The following TRPM7 variants were observed in gnomAD, a reference collection of about 807,000 sequenced individuals.
The protein encoded by TRPM7 is transient receptor potential cation channel subfamily M member 7.
Under a neutral mutation model 229.7 loss-of-function variants are expected in TRPM7, and 134 were observed. That is an observed-to-expected ratio of 0.58 (90% CI 0.51 to 0.67). TRPM7 has a LOEUF of 0.67. Among genes scored for constraint, TRPM7 ranks in the 30% least tolerant of loss-of-function variants. The pLI, the probability that TRPM7 is intolerant of heterozygous loss-of-function variation, is 0.00. For synonymous variants in TRPM7, 699 were observed against 715.2 expected, an observed-to-expected ratio of 0.98 and a Z score of 0.36; for missense variants, 1,901 against 2,210.0, an observed-to-expected ratio of 0.86 and a Z score of 2.80.
chr15:50,586,767 C>T (rs2059353193), intron 27 of TRPM7, among the ~76,000 whole-genome samples: 1 of 152,090 alleles, frequency 6.6e-6, no homozygotes, highest in Admixed American at 6.6e-5. Context: ...ACCTGTAATC[C>T]CAGCACTTTG....
At chr15:50,657,631 G>C (rs2061610479) in intron 3 of TRPM7, 150 bp downstream of exon 3, 7 of 646,012 alleles carry the variant, frequency 1.1e-5, no homozygotes, top group Middle Eastern at 4.2e-4. Flanking sequence ...AAACAGCCTT[G>C]ACTGACCCTT....
At chr15:50,666,751 G>A (rs547823853) in intron 1 of TRPM7, among the ~76,000 whole-genome samples, 5 of 151,802 alleles carry the variant, frequency 3.3e-5, no homozygotes, top group Admixed American at 6.6e-5. Context: ...ATGGTGAGCC[G>A]AGATCGTGCC....
At chr15:50,568,113 A>C (rs2053694891) in intron 38 of TRPM7, among the ~76,000 whole-genome samples, 1 of 50,616 alleles carries the variant, frequency 2.0e-5, no homozygotes, top group Non-Finnish European at 4.6e-5. Context: ...CTCTGTCTCA[A>C]AAAAAAAAAA....
At chr15:50,667,295 T>C (rs1469811876) in intron 1 of TRPM7, among the ~76,000 whole-genome samples, 1 of 152,192 alleles carries the variant, frequency 6.6e-6, no homozygotes, top group Non-Finnish European at 1.5e-5. Flanking sequence ...TTGAAGCCAG[T>C]AATCCAATTA....
chr15:50,581,543 T>C (rs1016792527), intron 29 of TRPM7, among the ~76,000 whole-genome samples: 2 of 151,576 alleles, frequency 1.3e-5, no homozygotes, highest in African/African-American at 2.4e-5. Flanking sequence ...TACATATACA[T>C]ATAAACATCA....
intron 12 of TRPM7, among the ~76,000 whole-genome samples, chr15:50,620,339 CGTTAGT>C (rs758746352): frequency 3.4e-5 from 5 of 148,586 alleles, no homozygotes; most frequent in South Asian, 2.1e-4. Context: ...CATCAGCTAT[CGTTAGT>C]GTTAGTGTAT....
At chr15:50,671,645 C>CAA (rs34028076) in intron 1 of TRPM7, among the ~76,000 whole-genome samples, 89,255 of 151,420 alleles carry the variant, frequency 0.59, 26,592 homozygotes, top group African/African-American at 0.66. Flanking sequence ...CCTGTCGCTA[C>CAA]AAAAGTTTTT....
intron 3 of TRPM7, among the ~76,000 whole-genome samples, chr15:50,656,349 G>A (rs1197974234): frequency 1.3e-5 from 2 of 152,012 alleles, no homozygotes; most frequent in Non-Finnish European, 2.9e-5. Flanking sequence ...GCCCAGGCAG[G>A]AGTGCAGTGG....
intron 38 of TRPM7, 139 bp from the exon 39 acceptor site, chr15:50,561,947 T>C (rs1183918820): frequency 2.4e-6 from 2 of 820,848 alleles, no homozygotes; most frequent in East Asian, 6.4e-5. Flanking sequence ...CAAGCTGGAG[T>C]GCAATGGCGC....
At position 50,591,844 on chromosome 15, in the gene TRPM7, A is replaced by C. The variant is rs1189723989; in HGVS notation, c.4324+67T>G. On this transcript the variant is annotated intron_variant, in intron 26 of 38. Transcript: ENST00000646667. ...AAGATAATGACTTGTAACAGTACAT[A>C]TTTCTATTATTTCTAAGGTGAAAAG... is the stretch of plus-strand genomic sequence containing the variant. The C allele has an allele frequency of 2.6e-6, 3 of 1,146,532 alleles. No individual in the cohort carries two copies. In the Admixed American group the frequency reaches 7.3e-5, roughly 28 times the overall value. 71.0% of individuals were successfully genotyped at this position (1,146,532 alleles called of 1,614,324 possible).
chr15:50,639,404 A>G lies in TRPM7; in HGVS notation c.660+20T>C. On this transcript the variant is annotated intron_variant, in intron 6 of 38. Transcript: ENST00000646667. ...TTACATATAATTTCAAACATAAGAA[A>G]TTTTAAAAATAATTCTTACATCTCT... is the stretch of plus-strand genomic sequence containing the variant. 6.4e-7 allele frequency: 1 copy of G among 1,552,322 alleles called. No homozygotes were observed. The highest frequency in any genetic ancestry group is 8.7e-7 in the Non-Finnish European group (1 of 1,146,846).
At chr15:50,637,061 G>A (rs1406594996) in intron 7 of TRPM7, among the ~76,000 whole-genome samples, 1 of 151,712 alleles carries the variant, frequency 6.6e-6, no homozygotes, top group South Asian at 2.1e-4. Context: ...AGGAGGCAGG[G>A]CTTGCAGTGA....
rs1297336293 is a variant in TRPM7, at chr15:50,576,655, A to G, written c.4619-736T>C. ...GTGCTTTTTGGACATACATCCACCC[A>G]GATGTCACTCCAAAATATTCTAATT... On this transcript the variant is annotated intron_variant, in intron 31 of 38. Coordinates refer to ENST00000646667, the MANE Select transcript of TRPM7 (RefSeq NM_017672.6). 3.9e-5 allele frequency among the ~76,000 whole-genome samples: 6 copies of G among 152,354 alleles called. No individual in the cohort carries two copies. The East Asian group carries it at 1.2e-3, about 29-fold the overall frequency.
In TRPM7 at chr15:50,686,653, G is replaced by C. The variant is rs1237264130; in HGVS notation, c.-120C>G. 45 of 1,413,552 alleles carry C rather than the reference G, an allele frequency of 3.2e-5. No individual in the cohort carries two copies. The highest frequency in any genetic ancestry group is 4.2e-5 in the Non-Finnish European group (44 of 1,045,470). 87.6% of individuals were successfully genotyped at this position (1,413,552 alleles called of 1,614,324 possible). On this transcript the variant is annotated 5_prime_UTR_variant, in exon 1 of 39. Coordinates refer to ENST00000646667, the MANE Select transcript of TRPM7 (RefSeq NM_017672.6). ...CAGCAGAGGCCGCCGGACAAGGAAC[G>C]CCCAGGGAAACCTTCTCAGAACTAA...
chr15:50,591,442 A>G (rs1208261106), intron 26 of TRPM7, among the ~76,000 whole-genome samples: 1 of 152,136 alleles, frequency 6.6e-6, no homozygotes, highest in Non-Finnish European at 1.5e-5. Context: ...TTATGTGCCA[A>G]TATAACTCTT....
chr15:50,565,649 G>C (rs1418069982), intron 38 of TRPM7, among the ~76,000 whole-genome samples: 2 of 152,100 alleles, frequency 1.3e-5, no homozygotes, highest in African/African-American at 2.4e-5. Flanking sequence ...ATTATATTTG[G>C]AGACTTCCTT....
At chr15:50,593,835 T>C (rs2059566375) in intron 24 of TRPM7, 86 bp from the exon 25 acceptor site, 1 of 1,329,434 alleles carries the variant, frequency 7.5e-7, no homozygotes, top group Non-Finnish European at 1.0e-6. Flanking sequence ...TATTCAGGGT[T>C]TCTAAGACTA....
intron 3 of TRPM7, among the ~76,000 whole-genome samples, chr15:50,652,131 G>A (rs145416447): frequency 6.2e-4 from 94 of 151,126 alleles, no homozygotes; most frequent in African/African-American, 2.2e-3. Flanking sequence ...TCAGGAGTTC[G>A]AGACCAGCCT....
chr15:50,638,655 GATC>G (rs2060994492), intron 6 of TRPM7, among the ~76,000 whole-genome samples: 1 of 113,130 alleles, frequency 8.8e-6, no homozygotes, highest in African/African-American at 2.7e-5. Flanking sequence ...ACTTGAAAGT[GATC>G]ATTATAATTC....
Sources: gnomAD v4.1 joint callset for allele counts (sites outside exome capture counted in the v4.1 genomes callset) on GRCh38, gnomAD v4.1.1 for gene constraint, MANE v1.5 for transcripts, NCBI Gene and HGNC (gene_info 2026-07-23, HGNC 2026-07-21) for gene names.